The following SAMD12 variants were observed in gnomAD, a reference collection of about 807,000 sequenced individuals.
SAMD12 encodes sterile alpha motif domain-containing protein 12.
SAMD12 carries 9 observed loss-of-function variants against 15.0 expected under a neutral mutation model. The ratio of observed to expected loss-of-function variants is 0.60; its 90% CI spans 0.36 to 1.05. The LOEUF (loss-of-function observed/expected upper bound fraction) is 1.05, where lower values mean the gene tolerates loss of function less well. Ranked by LOEUF, SAMD12 falls within the 50% of genes least tolerant of loss-of-function variation. The probability of loss-of-function intolerance (pLI) is 0.01; values close to 1 mark genes in which losing one functional copy is unlikely to be tolerated. For synonymous variants in SAMD12, 86 were observed against 90.1 expected, an observed-to-expected ratio of 0.96 and a Z score of 0.25; for missense variants, 230 against 234.2, an observed-to-expected ratio of 0.98 and a Z score of 0.12.
intron 4 of SAMD12, among the ~76,000 whole-genome samples, chr8:118,205,350 T>C (rs377143524): frequency 2.0e-5 from 3 of 152,244 alleles, no homozygotes; most frequent in African/African-American, 7.2e-5. Flanking sequence ...GATAACACAA[T>C]GACCATAAGA....
At chr8:118,260,991 C>T (rs1450688642) in intron 4 of SAMD12, among the ~76,000 whole-genome samples, 1 of 152,048 alleles carries the variant, frequency 6.6e-6, no homozygotes, top group African/African-American at 2.4e-5. Context: ...AACAGTCTTA[C>T]TCATTTTAGT....
intron 2 of SAMD12, among the ~76,000 whole-genome samples, chr8:118,502,570 A>T (rs990219057): frequency 2.0e-5 from 3 of 152,240 alleles, no homozygotes; most frequent in Non-Finnish European, 4.4e-5. Flanking sequence ...AAGCACTAAT[A>T]GTCTCCAGTG....
At chr8:118,243,219 T>A (rs1298284003) in intron 4 of SAMD12, among the ~76,000 whole-genome samples, 1 of 152,184 alleles carries the variant, frequency 6.6e-6, no homozygotes, top group Non-Finnish European at 1.5e-5. Flanking sequence ...ACAATATCAT[T>A]TGTATGGATT....
At chr8:118,482,823 C>T (rs757369576) in intron 2 of SAMD12, among the ~76,000 whole-genome samples, 13 of 152,132 alleles carry the variant, frequency 8.5e-5, no homozygotes, top group East Asian at 3.8e-4. Context: ...TGAGGACATT[C>T]GGATGCTTTT....
chr8:118,391,905 A>T (rs994387826), intron 3 of SAMD12, among the ~76,000 whole-genome samples: 1 of 152,080 alleles, frequency 6.6e-6, no homozygotes, highest in Non-Finnish European at 1.5e-5. Flanking sequence ...AGCCATGACC[A>T]TGAAGACCAT....
At chr8:118,406,211 C>CT (rs374069264) in intron 3 of SAMD12, among the ~76,000 whole-genome samples, 3,255 of 145,812 alleles carry the variant, frequency 0.022, 112 homozygotes, top group African/African-American at 0.072. Flanking sequence ...ACTATGGATT[C>CT]TTTTTTTTTT....
intron 4 of SAMD12, among the ~76,000 whole-genome samples, chr8:118,305,989 C>T (rs1015706929): frequency 1.3e-5 from 2 of 152,110 alleles, no homozygotes; most frequent in Non-Finnish European, 2.9e-5. Flanking sequence ...TACAACAGTC[C>T]ACTGGGTTCC....
chr8:118,171,635 A>G, the SAMD12 span, among the ~76,000 whole-genome samples: 2 of 152,130 alleles, frequency 1.3e-5, no homozygotes, highest in Admixed American at 1.3e-4. Context: ...GGATAGACAG[A>G]TCTACAAAGA....
the SAMD12 span, among the ~76,000 whole-genome samples, chr8:118,132,326 A>G: frequency 6.6e-6 from 1 of 152,196 alleles, no homozygotes; most frequent in South Asian, 2.1e-4. Flanking sequence ...TTCATTCTCC[A>G]GTGAGTACTC....
intron 4 of SAMD12, among the ~76,000 whole-genome samples, chr8:118,295,352 A>C (rs1814648663): frequency 6.6e-6 from 1 of 152,246 alleles, no homozygotes; most frequent in Non-Finnish European, 1.5e-5. Context: ...ATATGTATAG[A>C]TAACATTTTT....
chr8:118,259,547 T>C (rs1000947269), intron 4 of SAMD12, among the ~76,000 whole-genome samples: 16 of 152,222 alleles, frequency 1.1e-4, no homozygotes, highest in Admixed American at 1.0e-3. Context: ...TGGAACACAA[T>C]TTAATCATTT....
intron 2 of SAMD12, among the ~76,000 whole-genome samples, chr8:118,518,902 C>T (rs1474895537): frequency 6.6e-6 from 1 of 152,056 alleles, no homozygotes; most frequent in Middle Eastern, 3.2e-3. Context: ...AGCATGCATT[C>T]AATAAATACT....
intron 2 of SAMD12, among the ~76,000 whole-genome samples, chr8:118,483,125 A>C (rs756669658): frequency 6.6e-6 from 1 of 152,248 alleles, no homozygotes; most frequent in Non-Finnish European, 1.5e-5. Context: ...TATTAGAAAG[A>C]CATGGAAGAG....
intron 3 of SAMD12, among the ~76,000 whole-genome samples, chr8:118,404,479 G>A (rs1347790712): frequency 6.6e-6 from 1 of 152,036 alleles, no homozygotes; most frequent in Non-Finnish European, 1.5e-5. Context: ...GGTTGAAATA[G>A]TCTGAGACAG....
intron 4 of SAMD12, among the ~76,000 whole-genome samples, chr8:118,300,023 TTTTC>T: frequency 6.7e-6 from 1 of 150,356 alleles, no homozygotes; most frequent in Non-Finnish European, 1.5e-5. Context: ...TATTCCTTTT[TTTTC>T]TTTACTTTTT....
At chr8:118,460,652 T>C (rs1341310475) in intron 2 of SAMD12, among the ~76,000 whole-genome samples, 1 of 152,012 alleles carries the variant, frequency 6.6e-6, no homozygotes, top group Non-Finnish European at 1.5e-5. Flanking sequence ...TGGAGAGAGT[T>C]GGAAGATGGT....
At chr8:118,149,954 C>A in the SAMD12 span, among the ~76,000 whole-genome samples, 2 of 152,128 alleles carry the variant, frequency 1.3e-5, no homozygotes, top group East Asian at 3.8e-4. Context: ...GCAACCAATA[C>A]CACATTGTCT....
chr8:118,414,847 T>G (rs1440279030), intron 3 of SAMD12, among the ~76,000 whole-genome samples: 1 of 150,218 alleles, frequency 6.7e-6, no homozygotes, highest in African/African-American at 2.4e-5. Flanking sequence ...ACCCCTCCCT[T>G]TGCACAGAGT....
rs1041818625 is a variant in SAMD12, at chr8:118,486,829, A to G, written c.193-46868T>C. ...GTGCTAGCAATGGTGGGAGGCAGAC[A>G]GCCCATCTAGGCCCGAAGAGCAAGG... On this transcript the variant is annotated intron_variant, in intron 2 of 3. Transcript: ENST00000314727. Among the ~76,000 whole-genome samples, 3 of 152,226 alleles carry G rather than the reference A, an allele frequency of 2.0e-5. No individual in the cohort carries two copies. In the South Asian group the frequency reaches 6.2e-4, roughly 31 times the overall value.
Sources: gnomAD v4.1 joint callset for allele counts (sites outside exome capture counted in the v4.1 genomes callset) on GRCh38, gnomAD v4.1.1 for gene constraint, MANE v1.5 for transcripts, NCBI Gene and HGNC (gene_info 2026-07-23, HGNC 2026-07-21) for gene names.